The following ABCB11 variants were observed in gnomAD, a reference collection of about 807,000 sequenced individuals.
ABCB11 encodes ATP binding cassette subfamily B member 11, also known as bile salt export pump.
A neutral mutation model predicts 148.0 loss-of-function variants in ABCB11; 95 were observed. The ratio of observed to expected loss-of-function variants is 0.64; its 90% CI spans 0.54 to 0.76. The LOEUF (loss-of-function observed/expected upper bound fraction) is 0.76. ABCB11 is among the 30% of genes least tolerant of loss of function. The pLI is 0.00. For synonymous variants in ABCB11, 591 were observed against 555.4 expected (o/e 1.06, Z -0.90); for missense variants, 1,523 against 1,617.8 (o/e 0.94, Z 1.01).
At chr2:168,973,949 G>A (rs1426398922) in intron 12 of ABCB11, 109 bp from the exon 13 acceptor site, 20 of 1,227,678 alleles carry the variant, frequency 1.6e-5, no homozygotes, top group East Asian at 2.5e-5. Flanking sequence ...CTGTGTGTGC[G>A]TTTATGTATG....
chr2:168,973,947 G>T, intron 12 of ABCB11, 107 bp from the exon 13 acceptor site: 1 of 1,291,902 alleles, frequency 7.7e-7, no homozygotes, highest in Non-Finnish European at 1.1e-6. Flanking sequence ...GTCTGTGTGT[G>T]CGTTTATGTA....
intron 19 of ABCB11, among the ~76,000 whole-genome samples, chr2:168,950,123 A>G (rs1032268587): frequency 8.3e-6 from 1 of 120,034 alleles, no homozygotes; most frequent in Non-Finnish European, 1.7e-5. Flanking sequence ...ATATCCTATT[A>G]CTCCCATATA....
chr2:168,955,976 C>T (rs1388221283), intron 19 of ABCB11, among the ~76,000 whole-genome samples: 2 of 151,516 alleles, frequency 1.3e-5, no homozygotes, highest in African/African-American at 4.8e-5. Context: ...TTTTTGACAC[C>T]TTGTCTCACA....
chr2:169,016,999 C>CACAG (rs1345861517), intron 2 of ABCB11, among the ~76,000 whole-genome samples, 200 bp from the exon 3 acceptor site: 9 of 147,314 alleles, frequency 6.1e-5, no homozygotes, highest in African/African-American at 2.2e-4. Context: ...CACACACACA[C>CACAG]ACACACACAC....
intron 22 of ABCB11, 147 bp downstream of exon 22, chr2:168,936,083 G>T: frequency 1.4e-6 from 1 of 720,394 alleles, no homozygotes; most frequent in East Asian, 2.7e-5. Context: ...CGCCAAGCAC[G>T]CATAGAAAGG....
In ABCB11 at chr2:168,998,563, A is replaced by C. The variant is rs1035528633; in HGVS notation, c.390-1841T>G. ...TCAAAACATCACACTATATCCCATA[A>C]ATATGTATACTTATGTGACAATTAA... is the stretch of plus-strand genomic sequence containing the variant. On this transcript the variant is annotated intron_variant, in intron 5 of 27. Coordinates refer to ENST00000650372, the MANE Select transcript of ABCB11 (RefSeq NM_003742.4). Among the ~76,000 whole-genome samples, 3 of 151,892 alleles carry C rather than the reference A, an allele frequency of 2.0e-5. No homozygotes were observed. The South Asian group carries it at 6.2e-4, about 32-fold the overall frequency.
intron 19 of ABCB11, among the ~76,000 whole-genome samples, chr2:168,954,195 G>A (rs1692686037): frequency 6.6e-6 from 1 of 150,832 alleles, no homozygotes; most frequent in African/African-American, 2.4e-5. Flanking sequence ...TTGTTTTCAA[G>A]TTATTTTATA....
At position 168,922,140 on chromosome 2, in the gene ABCB11, C is replaced by A. The variant is rs368520881; in HGVS notation, c.*1482G>T. Among the ~76,000 whole-genome samples, 5 of 152,186 alleles carry A rather than the reference C, an allele frequency of 3.3e-5. No homozygotes were observed. The highest frequency in any genetic ancestry group is 5.9e-5 in the Non-Finnish European group (4 of 68,030). On this transcript the variant is annotated 3_prime_UTR_variant, in exon 28 of 28. Coordinates refer to ENST00000650372, the MANE Select transcript of ABCB11 (RefSeq NM_003742.4). ...CTGGGATTACAGGAGTGAGCCACAG[C>A]GCCTGGCCCGACCTCTTTTCTAAGA...
chr2:169,016,862 C>T (rs917801543), intron 2 of ABCB11, 63 bp from the exon 3 acceptor site: 6 of 1,296,746 alleles, frequency 4.6e-6, no homozygotes, highest in Non-Finnish European at 5.4e-6. Context: ...GCAACGCAGT[C>T]ATTAAGAAAT....
At chr2:168,953,142 C>A (rs990227536) in intron 19 of ABCB11, among the ~76,000 whole-genome samples, 6 of 151,622 alleles carry the variant, frequency 4.0e-5, no homozygotes, top group African/African-American at 1.4e-4. Context: ...ATCTATCTTG[C>A]AAAATGTTCC....
intron 5 of ABCB11, among the ~76,000 whole-genome samples, chr2:169,007,265 C>T (rs1441419442): frequency 1.3e-5 from 2 of 152,062 alleles, no homozygotes; most frequent in Non-Finnish European, 2.9e-5. Context: ...AATAGTTGTT[C>T]CACAAATGAT....
chr2:168,984,109 A>T (rs1694231046), intron 10 of ABCB11, among the ~76,000 whole-genome samples: 1 of 152,114 alleles, frequency 6.6e-6, no homozygotes, highest in Non-Finnish European at 1.5e-5. Context: ...CAATGATCAG[A>T]GTCCAGTTGC....
intron 1 of ABCB11, among the ~76,000 whole-genome samples, chr2:169,021,342 A>T (rs193043042): frequency 4.5e-4 from 69 of 152,006 alleles, no homozygotes; most frequent in African/African-American, 1.6e-3. Context: ...TGAAAAGGAT[A>T]CGTCATGCAA....
chr2:168,996,286 C>G (rs1694710927), intron 6 of ABCB11, among the ~76,000 whole-genome samples: 1 of 151,960 alleles, frequency 6.6e-6, no homozygotes, highest in South Asian at 2.1e-4. Context: ...ATTTTGCTTT[C>G]CTCTATCTCC....
chr2:168,934,336 T>C (rs1158995769), intron 23 of ABCB11, among the ~76,000 whole-genome samples: 1 of 152,058 alleles, frequency 6.6e-6, no homozygotes, highest in Non-Finnish European at 1.5e-5. Flanking sequence ...AACCGATTCC[T>C]ATAGGACCAC....
intron 17 of ABCB11, among the ~76,000 whole-genome samples, chr2:168,967,936 A>T (rs1387872768): frequency 6.6e-6 from 1 of 151,944 alleles, no homozygotes; most frequent in Non-Finnish European, 1.5e-5. Flanking sequence ...TTAAGTGCTA[A>T]AAAATTACAT....
chr2:168,918,075 C>A (rs1157828953), downstream of ABCB11, among the ~76,000 whole-genome samples: 1 of 151,988 alleles, frequency 6.6e-6, no homozygotes, highest in Non-Finnish European at 1.5e-5. Flanking sequence ...TTAAAATTAC[C>A]TATGTGGCTC....
intron 10 of ABCB11, among the ~76,000 whole-genome samples, chr2:168,982,574 A>G (rs1694167781): frequency 6.6e-6 from 1 of 152,130 alleles, no homozygotes; most frequent in Non-Finnish European, 1.5e-5. Context: ...TGCACAAGTG[A>G]TACTAATTAC....
At chr2:168,961,575 A>G (rs1168061460) in intron 18 of ABCB11, among the ~76,000 whole-genome samples, 39 of 151,732 alleles carry the variant, frequency 2.6e-4, no homozygotes, top group Non-Finnish European at 2.7e-4. Context: ...TTTCACCAAA[A>G]GAGATTGCCT....
Sources: gnomAD v4.1 joint callset for allele counts (sites outside exome capture counted in the v4.1 genomes callset) on GRCh38, gnomAD v4.1.1 for gene constraint, MANE v1.5 for transcripts, NCBI Gene and HGNC (gene_info 2026-07-23, HGNC 2026-07-21) for gene names.